Variants in TBL1X observed in about 807,000 individuals in gnomAD.
TBL1X encodes transducin beta like 1 X-linked.
Under a neutral mutation model 50.7 loss-of-function variants are expected in TBL1X, and 10 were observed. The ratio of observed to expected loss-of-function variants is 0.20; its 90% CI spans 0.12 to 0.33. TBL1X has a LOEUF of 0.33. TBL1X is among the 10% of genes least tolerant of loss of function. TBL1X has a pLI of 1.00. For missense variants in TBL1X, 340 were observed against 504.4 expected, an observed-to-expected ratio of 0.67 and a Z score of 3.12; for synonymous variants, 190 against 214.7, an observed-to-expected ratio of 0.88 and a Z score of 1.01.
intron 5 of TBL1X, among the ~76,000 whole-genome samples, chrX:9,671,122 G>A (rs1294843375): frequency 9.0e-6 from 1 of 111,617 alleles, no homozygotes. Context: ...CTCAGGCCCA[G>A]TGGTTTGCTG....
rs201317448 is a variant in TBL1X, at chrX:9,526,169, AAG to A, written c.-131+24332_-131+24333del. ...GGCGGGGGAGGGGAGAGAGAGAGAAAAGAGAGAGAGAGAAAAAAAAACACAGC... is the reference window on the plus strand; with the variant it reads ...GGCGGGGGAGGGGAGAGAGAGAGAAAAGAGAGAGAGAAAAAAAAACACAGC... On this transcript the variant is annotated intron_variant, in intron 2 of 17. Transcript: ENST00000645353. Among the ~76,000 whole-genome samples, 844 of 106,861 alleles carry A rather than the reference AAG, an allele frequency of 7.9e-3. 12 individuals carry two copies. The highest frequency in any genetic ancestry group is 0.026 in the African/African-American group (767 of 29,113). 92.8% of individuals were successfully genotyped at this position (106,861 alleles called of 115,157 possible). A position where few individuals can be genotyped will look rare whatever the true frequency, so the allele number is the denominator to read the frequency against.
At chrX:9,604,842 T>A (rs2082575085) in intron 2 of TBL1X, among the ~76,000 whole-genome samples, 1 of 110,589 alleles carries the variant, frequency 9.0e-6, no homozygotes, top group African/African-American at 3.3e-5. Flanking sequence ...GGAGAAGACG[T>A]TTCACCCTTG....
intron 1 of TBL1X, among the ~76,000 whole-genome samples, chrX:9,475,754 T>C (rs2081845929): frequency 8.9e-6 from 1 of 111,827 alleles, no homozygotes; most frequent in South Asian, 3.7e-4. Flanking sequence ...AATGCCAACC[T>C]CAAGTGGTTC....
intron 6 of TBL1X, among the ~76,000 whole-genome samples, chrX:9,685,686 A>G (rs1338746953): frequency 9.4e-6 from 1 of 106,391 alleles, no homozygotes; most frequent in African/African-American, 3.4e-5. Flanking sequence ...TCACAAAGTA[A>G]TAATATCCTG....
intron 1 of TBL1X, among the ~76,000 whole-genome samples, chrX:9,468,636 G>A (rs1001163651): frequency 7.2e-5 from 8 of 110,920 alleles, no homozygotes; most frequent in African/African-American, 2.6e-4. Context: ...GGGAAACCTG[G>A]TTTGCAGCTA....
chrX:9,641,618 A>C (rs1300261597), intron 3 of TBL1X, among the ~76,000 whole-genome samples: 3 of 112,687 alleles, frequency 2.7e-5, no homozygotes, highest in African/African-American at 9.7e-5. Flanking sequence ...AGACATATGC[A>C]TATGTAGGTT....
chrX:9,479,707 T>A lies in TBL1X; in HGVS notation c.-201+14260T>A, dbSNP rs1374453287. On this transcript the variant is annotated intron_variant, in intron 1 of 17. Coordinates refer to ENST00000645353, the MANE Select transcript of TBL1X (RefSeq NM_005647.4). ...ACTTTTAATAATTGTTTGACTTGTC[T>A]GTCTTACAGCCATTAGATTCTAGGT... is the stretch of plus-strand genomic sequence containing the variant. 1.8e-5 allele frequency among the ~76,000 whole-genome samples: 2 copies of A among 111,917 alleles called. 1 individual carries two copies. The highest frequency in any genetic ancestry group is 1.9e-4 in the Admixed American group (2 of 10,516).
At position 9,654,294 on chromosome X, in the gene TBL1X, T is replaced by C; in HGVS notation, c.183T>C (p.Phe61=). The C allele has an allele frequency of 8.3e-7, 1 of 1,210,827 alleles. No homozygotes were observed. Among genetic ancestry groups the C allele is most frequent in the Non-Finnish European group, 1.1e-6 (1 of 895,486 alleles). The change falls in exon 5 of 18, where the codon TTT becomes TTC. Residue 61 remains phenylalanine (F), a synonymous_variant. Coordinates refer to ENST00000645353, the MANE Select transcript of TBL1X (RefSeq NM_005647.4). ...GCATAACCAGTGACGAGGTGAACTT[T>C]CTGGTGTATCGGTATCTCCAGGAGT... is the stretch of plus-strand genomic sequence containing the variant. The part of the protein sequence containing the change: ...KMSITSDEVN[F]LVYRYLQESG...
chrX:9,535,623 C>G (rs1006686987), intron 2 of TBL1X, among the ~76,000 whole-genome samples: 1 of 112,336 alleles, frequency 8.9e-6, no homozygotes, highest in Non-Finnish European at 1.9e-5. Flanking sequence ...TAACCTTGCA[C>G]TCTTTAATTA....
At chrX:9,582,066 C>T (rs1412865604) in intron 2 of TBL1X, among the ~76,000 whole-genome samples, 2 of 112,342 alleles carry the variant, frequency 1.8e-5, no homozygotes, top group Non-Finnish European at 3.8e-5. Context: ...GAACCTTCAA[C>T]GTCTTTACAA....
intron 2 of TBL1X, among the ~76,000 whole-genome samples, chrX:9,525,526 G>A (rs147052694): frequency 0.027 from 2,966 of 111,689 alleles, 34 homozygotes; most frequent in Middle Eastern, 0.032. Flanking sequence ...GTCTATAATT[G>A]CTTAATAAGG....
At position 9,711,617 on chromosome X, in the gene TBL1X, G is replaced by A. The variant is rs778892950; in HGVS notation, c.1446G>A (p.Ser482=). The change falls in exon 16 of 18, where the codon TCG becomes TCA. Residue 482 remains serine, a synonymous_variant. Transcript: ENST00000645353. ...PNSNIMLASA[S]FDSTVRLWDI... ...TTCTCTCCCACCTTGCTAGTGCTTC[G>A]TTTGATTCTACGGTGCGACTGTGGG... 24 of 1,185,359 alleles carry A rather than the reference G, an allele frequency of 2.0e-5. No homozygotes were observed. In the East Asian group the frequency reaches 3.4e-4, roughly 17 times the overall value.
intron 2 of TBL1X, among the ~76,000 whole-genome samples, chrX:9,558,387 C>T (rs1224947449): frequency 9.0e-6 from 1 of 110,582 alleles, no homozygotes; most frequent in East Asian, 2.8e-4. Context: ...CGTAGTGGTG[C>T]ACACCTGTAA....
At chrX:9,521,816 A>G (rs778275962) in intron 2 of TBL1X, among the ~76,000 whole-genome samples, 1 of 111,181 alleles carries the variant, frequency 9.0e-6, no homozygotes, top group Non-Finnish European at 1.9e-5. Flanking sequence ...CAAGCAACCA[A>G]ACAAAACCCC....
intron 2 of TBL1X, among the ~76,000 whole-genome samples, chrX:9,540,183 T>G (rs1325653162): frequency 8.9e-6 from 1 of 112,544 alleles, no homozygotes; most frequent in South Asian, 3.7e-4. Context: ...TGAACACTTA[T>G]GCGTTAGCCA....
chrX:9,547,104 C>T (rs2082248213), intron 2 of TBL1X, among the ~76,000 whole-genome samples: 1 of 110,090 alleles, frequency 9.1e-6, no homozygotes, highest in Non-Finnish European at 1.9e-5. Context: ...AGGCGTGGGC[C>T]ACCGCGCCCG....
At position 9,705,453 on chromosome X, in the gene TBL1X, A is replaced by G. The variant is rs1188034476; in HGVS notation, c.1236+339A>G. Reference sequence around the variant, plus strand: ...ACATCTGCAGTGAATAGAAAAAAAAATCATTAAAAAACAAATGGAGACTAA... The same window carrying G: ...ACATCTGCAGTGAATAGAAAAAAAAGTCATTAAAAAACAAATGGAGACTAA... On this transcript the variant is annotated intron_variant, in intron 13 of 17. Transcript: ENST00000645353. Among the ~76,000 whole-genome samples the G allele has an allele frequency of 4.5e-5, 5 of 111,873 alleles. No homozygotes were observed. In the South Asian group the frequency reaches 1.9e-3, roughly 42 times the overall value.
chrX:9,699,938 G>A (rs1260090399), intron 12 of TBL1X, among the ~76,000 whole-genome samples: 3 of 111,788 alleles, frequency 2.7e-5, no homozygotes, highest in Non-Finnish European at 3.8e-5. Flanking sequence ...CTGAGCATAC[G>A]AGAGACAAAA....
intron 2 of TBL1X, among the ~76,000 whole-genome samples, chrX:9,558,656 C>T (rs754604745): frequency 1.8e-5 from 2 of 111,183 alleles, no homozygotes; most frequent in South Asian, 3.7e-4. Flanking sequence ...TGGACCTGGC[C>T]GTATGATGGG....
Sources: allele counts gnomAD v4.1 joint callset (sites outside exome capture counted in the v4.1 genomes callset), GRCh38; gene constraint gnomAD v4.1.1; transcripts MANE v1.5; gene names NCBI Gene and HGNC (gene_info 2026-07-23, HGNC 2026-07-21).